The following CSGALNACT1 variants were observed in gnomAD, a reference collection of about 807,000 sequenced individuals.
The protein encoded by CSGALNACT1 is beta4GalNAcT-1.
Under a neutral mutation model 51.0 loss-of-function variants are expected in CSGALNACT1, and 52 were observed. The ratio of observed to expected loss-of-function variants is 1.02; its 90% CI spans 0.82 to 1.29. CSGALNACT1 has a LOEUF of 1.29. Ranked by LOEUF, CSGALNACT1 falls within the 50% of genes most tolerant of loss-of-function variation. CSGALNACT1 has a pLI of 0.00. For missense variants in CSGALNACT1, 935 were observed against 679.2 expected (o/e 1.38, Z -4.19); for synonymous variants, 341 against 254.4 (o/e 1.34, Z -3.24).
intron 1 of CSGALNACT1, among the ~76,000 whole-genome samples, chr8:19,673,185 A>G (rs1264178666): frequency 1.3e-5 from 2 of 152,218 alleles, no homozygotes; most frequent in Non-Finnish European, 2.9e-5. Flanking sequence ...CCACTGCACT[A>G]AAAATGGACT....
intron 1 of CSGALNACT1, among the ~76,000 whole-genome samples, chr8:19,666,154 C>T (rs988384580): frequency 6.6e-6 from 1 of 152,164 alleles, no homozygotes; most frequent in Admixed American, 6.5e-5. Flanking sequence ...GGGTGCTCCA[C>T]GGAAGCTGGA....
chr8:19,493,240 G>A (rs2074759765), intron 4 of CSGALNACT1, among the ~76,000 whole-genome samples: 1 of 152,040 alleles, frequency 6.6e-6, no homozygotes, highest in African/African-American at 2.4e-5. Context: ...GAGCTCTTCG[G>A]TCACCTCAAC....
At chr8:19,585,353 A>T (rs1175642336) in intron 3 of CSGALNACT1, 1 of 152,240 alleles carries the variant, frequency 6.6e-6, no homozygotes, top group Admixed American at 6.5e-5. Flanking sequence ...ACGGGACCGA[A>T]AGAAGGAAAG....
In CSGALNACT1 at chr8:19,492,233, C is replaced by CA. The variant is rs148471173; in HGVS notation, c.634+12967dup. On this transcript the variant is annotated intron_variant, in intron 4 of 9. Transcript: ENST00000454498. Reference sequence around the variant, plus strand: ...TCTAAGGTCAACAGCACACAGCCCTCACAATGAGATCAACCAGCATACTGC... The same window carrying CA: ...TCTAAGGTCAACAGCACACAGCCCTCAACAATGAGATCAACCAGCATACTGC... 4.3e-4 allele frequency among the ~76,000 whole-genome samples: 66 copies of CA among 152,332 alleles called. No individual in the cohort carries two copies. In the East Asian group the frequency reaches 0.012, roughly 27 times the overall value.
At chr8:19,435,532 G>C (rs2060249687) in intron 6 of CSGALNACT1, among the ~76,000 whole-genome samples, 2 of 151,666 alleles carry the variant, frequency 1.3e-5, no homozygotes, top group South Asian at 4.2e-4. Context: ...CTCCAAGCGA[G>C]TATCTAAAGC....
intron 3 of CSGALNACT1, among the ~76,000 whole-genome samples, chr8:19,566,705 T>A (rs1416438335): frequency 6.6e-6 from 1 of 152,218 alleles, no homozygotes; most frequent in East Asian, 1.9e-4. Context: ...AGCCCCTTGC[T>A]TGATGTCTCT....
intron 4 of CSGALNACT1, among the ~76,000 whole-genome samples, chr8:19,466,407 T>C (rs2066688515): frequency 6.6e-6 from 1 of 152,216 alleles, no homozygotes; most frequent in African/African-American, 2.4e-5. Context: ...ATCCCCGCAA[T>C]AGCACAAATC....
At chr8:19,638,769 G>C (rs1450282419) in intron 1 of CSGALNACT1, among the ~76,000 whole-genome samples, 2 of 151,856 alleles carry the variant, frequency 1.3e-5, no homozygotes, top group African/African-American at 4.8e-5. Context: ...CAATTCATTT[G>C]CTCCCCACCA....
At chr8:19,614,734 G>A (rs1029161037) in intron 1 of CSGALNACT1, among the ~76,000 whole-genome samples, 1 of 152,206 alleles carries the variant, frequency 6.6e-6, no homozygotes, top group Non-Finnish European at 1.5e-5. Flanking sequence ...CATAGTTTAT[G>A]TGTTCCAAAC....
At chr8:19,635,696 C>T (rs2154173028) in intron 1 of CSGALNACT1, among the ~76,000 whole-genome samples, 1 of 152,236 alleles carries the variant, frequency 6.6e-6, no homozygotes, top group South Asian at 2.1e-4. Flanking sequence ...CCAAAGCGGG[C>T]ATTTAGGAAG....
intron 1 of CSGALNACT1, among the ~76,000 whole-genome samples, chr8:19,702,190 C>A (rs185489200): frequency 6.6e-6 from 1 of 152,226 alleles, no homozygotes; most frequent in East Asian, 1.9e-4. Context: ...GAGCTCTGAG[C>A]CCCTCACAGC....
chr8:19,468,551 C>G (rs113982393), intron 4 of CSGALNACT1, among the ~76,000 whole-genome samples: 39 of 151,856 alleles, frequency 2.6e-4, no homozygotes, highest in African/African-American at 8.2e-4. Flanking sequence ...TGGCAGGGAA[C>G]GAGATCAGAG....
chr8:19,633,385 G>A (rs79455573), intron 1 of CSGALNACT1, among the ~76,000 whole-genome samples: 5 of 152,154 alleles, frequency 3.3e-5, no homozygotes, highest in East Asian at 1.9e-4. Context: ...ATTAAGGGCC[G>A]AATGGTGGTA....
intron 1 of CSGALNACT1, among the ~76,000 whole-genome samples, chr8:19,651,636 T>C (rs1198393280): frequency 1.7e-5 from 2 of 121,096 alleles, no homozygotes; most frequent in Non-Finnish European, 3.8e-5. Flanking sequence ...GGTATGTATG[T>C]ACCACATTTT....
rs112700824 is a variant in CSGALNACT1, at chr8:19,628,660, T to G, written c.-543-26795A>C. 5.4e-3 allele frequency among the ~76,000 whole-genome samples: 820 copies of G among 152,212 alleles called. 4 individuals are homozygous for G. The highest frequency in any genetic ancestry group is 8.3e-3 in the Non-Finnish European group (562 of 68,012). On this transcript the variant is annotated intron_variant, in intron 1 of 9. Coordinates refer to the CSGALNACT1 transcript ENST00000332246. ...TCAGTCTTAATCAATAGGCTTTTTT[T>G]TTTTGTTTTTTGGGTCTCGCCATGC...
At chr8:19,442,125 T>C (rs1027484622) in intron 5 of CSGALNACT1, among the ~76,000 whole-genome samples, 2 of 152,220 alleles carry the variant, frequency 1.3e-5, no homozygotes, top group African/African-American at 2.4e-5. Context: ...TTGGTGGGAA[T>C]GTAAACTAGT....
intron 1 of CSGALNACT1, among the ~76,000 whole-genome samples, chr8:19,632,168 C>T (rs2055359408): frequency 6.6e-6 from 1 of 152,240 alleles, no homozygotes; most frequent in African/African-American, 2.4e-5. Context: ...CACCCAATTT[C>T]ACATTTTTTG....
chr8:19,755,894 T>C (rs900037596), intron 1 of CSGALNACT1, among the ~76,000 whole-genome samples: 1 of 152,348 alleles, frequency 6.6e-6, no homozygotes, highest in Non-Finnish European at 1.5e-5. Flanking sequence ...TTATTAAATA[T>C]GTACGGTGAT....
At chr8:19,430,971 T>G (rs188235260) in intron 6 of CSGALNACT1, among the ~76,000 whole-genome samples, 9 of 152,272 alleles carry the variant, frequency 5.9e-5, no homozygotes, top group African/African-American at 2.2e-4. Flanking sequence ...TTAATTTCAT[T>G]TTCAGATTGT....
Sources: allele counts gnomAD v4.1 joint callset (sites outside exome capture counted in the v4.1 genomes callset), GRCh38; gene constraint gnomAD v4.1.1; transcripts MANE v1.5; gene names NCBI Gene and HGNC (gene_info 2026-07-23, HGNC 2026-07-21).